NLGN1: variants seen among roughly 807,000 people sequenced by gnomAD.
The protein encoded by NLGN1 is neuroligin-1.
A neutral mutation model predicts 65.5 loss-of-function variants in NLGN1; 12 were observed. That is an observed-to-expected ratio of 0.18 (90% confidence interval 0.12 to 0.30). The LOEUF is 0.30. NLGN1 is among the 10% of genes least tolerant of loss of function. The probability of loss-of-function intolerance (pLI) is 1.00; values close to 1 mark genes in which losing one functional copy is unlikely to be tolerated. For missense variants in NLGN1, 750 were observed against 1,007.1 expected, an observed-to-expected ratio of 0.74 and a Z score of 3.46; for synonymous variants, 350 against 359.5, an observed-to-expected ratio of 0.97 and a Z score of 0.30.
chr3:173,733,543 T>C (rs369133662), intron 3 of NLGN1, among the ~76,000 whole-genome samples: 5 of 152,150 alleles, frequency 3.3e-5, no homozygotes, highest in African/African-American at 1.2e-4. Context: ...TGGAAGATAC[T>C]GTTCCAGGAG....
chr3:174,053,434 A>G (rs1735355263), intron 4 of NLGN1, among the ~76,000 whole-genome samples: 1 of 152,062 alleles, frequency 6.6e-6, no homozygotes, highest in Non-Finnish European at 1.5e-5. Flanking sequence ...GAAATGGACT[A>G]TCTATACAGT....
At chr3:174,118,183 A>G (rs1178019429) in intron 4 of NLGN1, among the ~76,000 whole-genome samples, 1 of 152,180 alleles carries the variant, frequency 6.6e-6, no homozygotes, top group Non-Finnish European at 1.5e-5. Context: ...TGGAATGGGC[A>G]GCAAGCATTT....
At chr3:173,886,239 G>A (rs1306096167) in intron 4 of NLGN1, among the ~76,000 whole-genome samples, 1 of 151,958 alleles carries the variant, frequency 6.6e-6, no homozygotes, top group Non-Finnish European at 1.5e-5. Flanking sequence ...GAACACTCAT[G>A]AAAAAACAAT....
intron 4 of NLGN1, among the ~76,000 whole-genome samples, chr3:174,108,516 G>A (rs1464770758): frequency 2.0e-5 from 3 of 150,970 alleles, no homozygotes; most frequent in Non-Finnish European, 4.4e-5. Flanking sequence ...ACTTAAAGAG[G>A]TGAAGAAAAA....
At chr3:173,833,392 T>C (rs1456762469) in intron 4 of NLGN1, among the ~76,000 whole-genome samples, 3 of 152,224 alleles carry the variant, frequency 2.0e-5, no homozygotes, top group Non-Finnish European at 4.4e-5. Flanking sequence ...TGCTTATTTA[T>C]ACTTTTGTTG....
At chr3:174,010,376 T>A (rs1403192196) in intron 4 of NLGN1, among the ~76,000 whole-genome samples, 1 of 152,170 alleles carries the variant, frequency 6.6e-6, no homozygotes, top group African/African-American at 2.4e-5. Flanking sequence ...CCTTTCAACA[T>A]GTTAATCCCA....
At chr3:173,790,622 C>T (rs1201763260) in intron 3 of NLGN1, among the ~76,000 whole-genome samples, 1 of 151,940 alleles carries the variant, frequency 6.6e-6, no homozygotes, top group Non-Finnish European at 1.5e-5. Flanking sequence ...TGGGGACAAC[C>T]TAATTCTAAA....
At chr3:173,747,059 TACACACACAC>T (rs3033827) in intron 3 of NLGN1, among the ~76,000 whole-genome samples, 22 of 130,402 alleles carry the variant, frequency 1.7e-4, no homozygotes, top group African/African-American at 4.5e-4. Context: ...AAATTATATA[TACACACACAC>T]ACACACACAC....
intron 4 of NLGN1, among the ~76,000 whole-genome samples, chr3:174,144,268 G>C (rs1050097748): frequency 2.0e-5 from 3 of 152,158 alleles, no homozygotes; most frequent in Admixed American, 6.5e-5. Context: ...TGGCTGCATA[G>C]TATTCCATGG....
chr3:174,266,199 C>T (rs779568623), intron 4 of NLGN1, among the ~76,000 whole-genome samples: 2 of 151,902 alleles, frequency 1.3e-5, no homozygotes, highest in Non-Finnish European at 2.9e-5. Context: ...TCAATCTTCA[C>T]CCTCCCCCTA....
intron 4 of NLGN1, among the ~76,000 whole-genome samples, chr3:174,105,771 A>T (rs1713635269): frequency 6.6e-6 from 1 of 151,278 alleles, no homozygotes; most frequent in Non-Finnish European, 1.5e-5. Flanking sequence ...ATGAAGTCCT[A>T]TTACCTTTTC....
chr3:173,959,665 C>G (rs1444651992), intron 4 of NLGN1, among the ~76,000 whole-genome samples: 1 of 152,144 alleles, frequency 6.6e-6, no homozygotes, highest in East Asian at 1.9e-4. Flanking sequence ...CAATTTGTTA[C>G]TATGTCATTT....
chr3:174,256,352 A>G (rs1745758188), intron 4 of NLGN1, among the ~76,000 whole-genome samples: 1 of 152,198 alleles, frequency 6.6e-6, no homozygotes, highest in African/African-American at 2.4e-5. Context: ...CACTTCTCAG[A>G]CAATATTTGA....
At position 173,956,197 on chromosome 3, in the gene NLGN1, A is replaced by T. The variant is rs534856146; in HGVS notation, c.646+148365A>T. On this transcript the variant is annotated intron_variant, in intron 4 of 6. Transcript: ENST00000457714. ...TAAAATAAATAAATCAAGCAGAGAGATGCAAAGGGACTTATTTAAGGTTAC... is the reference window on the plus strand; with the variant it reads ...TAAAATAAATAAATCAAGCAGAGAGTTGCAAAGGGACTTATTTAAGGTTAC... 3.8e-4 allele frequency among the ~76,000 whole-genome samples: 58 copies of T among 152,220 alleles called. 1 individual carries two copies. The South Asian group carries it at 0.012, about 31-fold the overall frequency.
chr3:173,917,001 C>G (rs1038887408), intron 4 of NLGN1, among the ~76,000 whole-genome samples: 3 of 152,118 alleles, frequency 2.0e-5, no homozygotes, highest in African/African-American at 7.2e-5. Context: ...GCTGAATAAG[C>G]TAGTTTCCAG....
exon 3 of NLGN1, chr3:173,604,495 G>C (rs1751052020): frequency 3.1e-6 from 4 of 1,276,338 alleles, no homozygotes; most frequent in Non-Finnish European, 4.4e-6. Context: ...AAGCTCCCCT[G>C]TAAGAAATCG....
At chr3:174,159,852 G>T in intron 4 of NLGN1, among the ~76,000 whole-genome samples, 1 of 151,554 alleles carries the variant, frequency 6.6e-6, no homozygotes, top group East Asian at 1.9e-4. Flanking sequence ...CTTAACCTTC[G>T]CTAGGCATTT....
intron 3 of NLGN1, among the ~76,000 whole-genome samples, chr3:173,681,778 C>T (rs1763980532): frequency 1.3e-5 from 2 of 152,184 alleles, no homozygotes; most frequent in African/African-American, 4.8e-5. Context: ...ACCCCCCTCA[C>T]AGGGATATTA....
At chr3:173,608,484 A>G (rs1444265611) in intron 3 of NLGN1, among the ~76,000 whole-genome samples, 1 of 151,912 alleles carries the variant, frequency 6.6e-6, no homozygotes. Context: ...TAATTTATCC[A>G]TTTAATCATC....
Sources: gnomAD v4.1 joint callset for allele counts (sites outside exome capture counted in the v4.1 genomes callset) on GRCh38, gnomAD v4.1.1 for gene constraint, MANE v1.5 for transcripts, NCBI Gene and HGNC (gene_info 2026-07-23, HGNC 2026-07-21) for gene names.